LIG1: variants seen among roughly 807,000 people sequenced by gnomAD.
The protein encoded by LIG1 is ligase I, DNA, ATP-dependent.
LIG1 carries 70 observed loss-of-function variants against 115.7 expected under a neutral mutation model. The observed-to-expected ratio is 0.60, with a 90% CI of 0.50 to 0.74. LIG1 has a LOEUF of 0.74. Ranked by LOEUF, LIG1 falls within the 30% of genes least tolerant of loss-of-function variation. The probability of loss-of-function intolerance (pLI) is 0.00; values close to 1 mark genes in which losing one functional copy is unlikely to be tolerated. For synonymous variants in LIG1, 487 were observed against 495.3 expected (o/e 0.98, Z 0.22); for missense variants, 1,115 against 1,225.6 (o/e 0.91, Z 1.35).
rs527674997 is a variant in LIG1, at chr19:48,158,211, C to A, written c.244-1071G>T. Among the ~76,000 whole-genome samples the A allele has an allele frequency of 3.3e-5, 5 of 152,274 alleles. 1 individual carries two copies. Among genetic ancestry groups the A allele is most frequent in the African/African-American group, 9.6e-5 (4 of 41,562 alleles). On this transcript the variant is annotated intron_variant, in intron 4 of 27. Transcript: ENST00000263274. The stretch of plus-strand genomic sequence containing the variant: ...TATAAATTAACTGGTCTGAAGTATT[C>A]CTTTATAGCAATGCAAAATGGACTA...
At chr19:48,160,547 G>A (rs2036113944) in intron 4 of LIG1, among the ~76,000 whole-genome samples, 1 of 152,110 alleles carries the variant, frequency 6.6e-6, no homozygotes, top group Non-Finnish European at 1.5e-5. Context: ...GGTTTGGGCA[G>A]GGAGTCACAG....
At chr19:48,123,657 G>T (rs1401095009) in intron 21 of LIG1, 2 of 354,872 alleles carry the variant, frequency 5.6e-6, no homozygotes, top group Admixed American at 7.9e-5. Context: ...TCGCTCTGTC[G>T]CCCAGGCTGG....
chr19:48,149,180 T>C (rs886274535), intron 9 of LIG1, among the ~76,000 whole-genome samples: 8 of 152,150 alleles, frequency 5.3e-5, no homozygotes, highest in Non-Finnish European at 1.0e-4. Context: ...TGTGGTGGCA[T>C]GCACCTGTAA....
intron 5 of LIG1, 179 bp from the exon 6 acceptor site, chr19:48,154,146 G>C: frequency 1.5e-6 from 1 of 659,486 alleles, no homozygotes; most frequent in Non-Finnish European, 2.8e-6. Flanking sequence ...CTTCCTGGCT[G>C]TGTGACCTTG....
chr19:48,130,976 A>G (rs545681768), intron 19 of LIG1, 100 bp downstream of exon 19: 12 of 936,934 alleles, frequency 1.3e-5, no homozygotes, highest in Admixed American at 9.1e-5. Flanking sequence ...TCTCCTCCCA[A>G]TAAACCCCGC....
At position 48,123,238 on chromosome 19, in the gene LIG1, G is replaced by A. The variant is rs377682304; in HGVS notation, c.2085C>T (p.Phe695=). 9.0e-5 allele frequency: 145 copies of A among 1,614,118 alleles called. No homozygotes were observed. The highest frequency in any genetic ancestry group is 8.7e-4 in the South Asian group (79 of 91,078). Residue 695 remains phenylalanine (F), a synonymous_variant, in exon 22 of 28, where the codon TTC becomes TTT. Coordinates refer to ENST00000263274, the MANE Select transcript of LIG1 (RefSeq NM_000234.3). ...TGTCCTTGGTGTCCAGGGAGGTGGC[G>A]AAGACAAACTCGCCCTCTGTCTCCA... ...NFVETEGEFV[F]ATSLDTKDIE...
chr19:48,148,301 C>T (rs943490737), intron 9 of LIG1, among the ~76,000 whole-genome samples: 2 of 151,994 alleles, frequency 1.3e-5, no homozygotes, highest in African/African-American at 2.4e-5. Flanking sequence ...TGGTGAAACC[C>T]GGTCTCTACT....
At chr19:48,126,494 T>G (rs1376914937) in intron 21 of LIG1, among the ~76,000 whole-genome samples, 1 of 151,758 alleles carries the variant, frequency 6.6e-6, no homozygotes, top group Non-Finnish European at 1.5e-5. Flanking sequence ...TAATCCCAGC[T>G]ACTTGGGAGG....
Position 48,162,273 on chromosome 19 carries a change from C to T in LIG1, c.96G>A (p.Glu32=), listed in dbSNP as rs2036223608. The T allele has an allele frequency of 6.2e-7, 1 of 1,613,548 alleles. No individual in the cohort carries two copies. Among genetic ancestry groups the T allele is most frequent in the South Asian group, 1.1e-5 (1 of 91,070 alleles). Residue 32 remains glutamate (E), a synonymous_variant, in exon 3 of 28, where the codon GAG becomes GAA. Coordinates refer to ENST00000263274, the MANE Select transcript of LIG1 (RefSeq NM_000234.3). ...GCCCTGTGACATACTTTGGAGGGGGCTCCGTCTCTCTGCTGCTATTGGATG... is the reference window on the plus strand; with the variant it reads ...GCCCTGTGACATACTTTGGAGGGGGTTCCGTCTCTCTGCTGCTATTGGATG... The part of the protein sequence containing the change: ...KEASNSSRET[E]PPPKAALKEW...
intron 9 of LIG1, among the ~76,000 whole-genome samples, chr19:48,148,525 G>A (rs1332012969): frequency 6.6e-6 from 1 of 151,756 alleles, no homozygotes; most frequent in Non-Finnish European, 1.5e-5. Context: ...GGGACATGGT[G>A]TGCAGAGGGA....
chr19:48,136,977 C>A (rs2288880), intron 14 of LIG1, 31 bp downstream of exon 14: 51 of 1,573,198 alleles, frequency 3.2e-5, no homozygotes, highest in Non-Finnish European at 4.3e-5. Context: ...CTGCAGTCCC[C>A]CTCTGTAGCC....
chr19:48,122,956 T>C lies in LIG1; in HGVS notation c.2210A>G (p.Lys737Arg), dbSNP rs1568481831. ...CACCTTGAGCCAGTTGTGCGATCTC[T>C]TGGCGATCTCGTAGGTGGCATCAAC... ...LDVDATYEIA[K>R]RSHNWLKLKK... The change falls in exon 23 of 28, where the codon AAG (lysine) becomes AGG (arginine). Residue 737 changes from lysine to arginine, a missense_variant. Transcript: ENST00000263274. This position sits in a 1 kb window ranked among gnomAD's most constrained non-coding sequence, Gnocchi z 4.3. The C allele has an allele frequency of 1.9e-6, 3 of 1,612,586 alleles. No homozygotes were observed. The highest frequency in any genetic ancestry group is 4.5e-5 in the East Asian group (2 of 44,848).
chr19:48,139,296 G>A (rs941542387), intron 12 of LIG1, among the ~76,000 whole-genome samples: 16 of 152,186 alleles, frequency 1.1e-4, no homozygotes, highest in African/African-American at 3.6e-4. Context: ...GCTGCCGACG[G>A]CTTTGTCATC....
chr19:48,156,337 CAT>C (rs1315848801), intron 5 of LIG1, among the ~76,000 whole-genome samples: 1 of 152,226 alleles, frequency 6.6e-6, no homozygotes, highest in African/African-American at 2.4e-5. Context: ...TGTGTTCCCA[CAT>C]GAGCTGTGAG....
In LIG1 at chr19:48,137,762, G is replaced by A. The variant is rs888825610; in HGVS notation, c.1088-74C>T. On this transcript the variant is annotated intron_variant, in intron 12 of 27. Transcript: ENST00000263274. The surrounding 1 kb of genome is among the most constrained non-coding windows in gnomAD (Gnocchi z 4.3). Reference sequence around the variant, plus strand: ...GCGTGTCTCCCTTCTCTCGCGGCCTGGATGAATTTTCTCCAGCTGTGTGTG... The same window carrying A: ...GCGTGTCTCCCTTCTCTCGCGGCCTAGATGAATTTTCTCCAGCTGTGTGTG... The A allele has an allele frequency of 1.9e-6, 3 of 1,556,118 alleles. No homozygotes were observed. The highest frequency in any genetic ancestry group is 1.4e-5 in the African/African-American group (1 of 74,028).
chr19:48,123,518 G>A (rs917012169), intron 21 of LIG1, 200 bp from the exon 22 acceptor site: 20 of 635,688 alleles, frequency 3.1e-5, no homozygotes, highest in African/African-American at 9.1e-5. Context: ...AAGAGGGCCC[G>A]ACACCATTTA....
At chr19:48,157,503 A>G (rs968030487) in intron 4 of LIG1, among the ~76,000 whole-genome samples, 3 of 151,934 alleles carry the variant, frequency 2.0e-5, no homozygotes, top group African/African-American at 7.2e-5. Context: ...ACACAATGGG[A>G]TGTCAGGGGA....
intron 5 of LIG1, among the ~76,000 whole-genome samples, chr19:48,154,924 CCTT>C (rs2035741525): frequency 6.6e-6 from 1 of 152,200 alleles, no homozygotes. Flanking sequence ...CTCCATCTGA[CCTT>C]CTAACCCTTC....
At chr19:48,155,126 A>G (rs139071232) in intron 5 of LIG1, among the ~76,000 whole-genome samples, 4 of 152,218 alleles carry the variant, frequency 2.6e-5, no homozygotes, top group African/African-American at 9.6e-5. Flanking sequence ...AGCTCCCAGC[A>G]TGCCCTCAGC....
Sources: gnomAD v4.1 joint callset for allele counts (sites outside exome capture counted in the v4.1 genomes callset) on GRCh38, gnomAD v4.1.1 for gene constraint, Gnocchi (gnomAD v3.1) non-coding constraint, MANE v1.5 for transcripts, NCBI Gene and HGNC (gene_info 2026-07-23, HGNC 2026-07-21) for gene names.